Variants in ADGB observed in about 807,000 individuals in gnomAD.
The protein encoded by ADGB is calpain-7-like protein.
A neutral mutation model predicts 210.5 loss-of-function variants in ADGB; 172 were observed. The observed-to-expected ratio is 0.82, with a 90% CI of 0.72 to 0.93. ADGB has a LOEUF of 0.93. ADGB is among the 40% of genes least tolerant of loss of function. ADGB has a pLI of 0.00. For missense variants in ADGB, 2,025 were observed against 1,964.8 expected (o/e 1.03, Z -0.58); for synonymous variants, 658 against 662.7 (o/e 0.99, Z 0.11).
chr6:146,660,076 C>A (rs1425164621), intron 5 of ADGB, among the ~76,000 whole-genome samples: 2 of 151,970 alleles, frequency 1.3e-5, no homozygotes, highest in African/African-American at 2.4e-5. Context: ...GTACAGAAAC[C>A]CCCCAACATC....
At chr6:146,760,982 G>C (rs556476990) in intron 27 of ADGB, among the ~76,000 whole-genome samples, 1 of 151,884 alleles carries the variant, frequency 6.6e-6, no homozygotes, top group South Asian at 2.1e-4. Flanking sequence ...CATATATTCT[G>C]TATCTTCTGG....
At chr6:146,702,398 G>A (rs912188547) in intron 13 of ADGB, among the ~76,000 whole-genome samples, 1 of 151,754 alleles carries the variant, frequency 6.6e-6, no homozygotes, top group African/African-American at 2.4e-5. Flanking sequence ...ATATGCCTGA[G>A]GTTGCTATTT....
Position 146,690,915 on chromosome 6 carries a change from A to C in ADGB, c.1312-201A>C, listed in dbSNP as rs138834084. Among the ~76,000 whole-genome samples the C allele has an allele frequency of 7.8e-4, 119 of 152,274 alleles. 1 individual carries two copies. The highest frequency in any genetic ancestry group is 2.7e-3 in the African/African-American group (114 of 41,560). On this transcript the variant is annotated intron_variant, in intron 10 of 35. Coordinates refer to ENST00000397944, the MANE Select transcript of ADGB (RefSeq NM_024694.4). Reference sequence around the variant, plus strand: ...GTTCCAATCTCTCATTTTGTAAATAAAGAAACAGGGCTCCAGAAAATTTAA... The same window carrying C: ...GTTCCAATCTCTCATTTTGTAAATACAGAAACAGGGCTCCAGAAAATTTAA...
chr6:146,640,493 A>G (rs771702331), intron 2 of ADGB, among the ~76,000 whole-genome samples: 9 of 152,070 alleles, frequency 5.9e-5, no homozygotes, highest in Non-Finnish European at 8.8e-5. Context: ...CTTGATGAAC[A>G]TCGATGCAAA....
At position 146,776,653 on chromosome 6, in the gene ADGB, T is replaced by C. The variant is rs116727999; in HGVS notation, c.3863-5367T>C. On this transcript the variant is annotated intron_variant, in intron 29 of 35. Transcript: ENST00000397944. ...TGGAATCAAATACACCTAAATGTAT[T>C]ACTCAAACACTAAAAACTATGTGTA... Among the ~76,000 whole-genome samples, 751 of 152,228 alleles carry C rather than the reference T, an allele frequency of 4.9e-3. 2 individuals carry two copies. The highest frequency in any genetic ancestry group is 0.017 in the African/African-American group (707 of 41,556).
intron 35 of ADGB, among the ~76,000 whole-genome samples, chr6:146,805,286 G>A (rs1778194952): frequency 6.6e-6 from 1 of 152,150 alleles, no homozygotes; most frequent in Non-Finnish European, 1.5e-5. Context: ...TTCAAAGAAG[G>A]AACCCACCTT....
At chr6:146,612,836 C>T (rs1387953124) in intron 1 of ADGB, among the ~76,000 whole-genome samples, 2 of 152,060 alleles carry the variant, frequency 1.3e-5, no homozygotes, top group Admixed American at 1.3e-4. Context: ...AGCTTCAGCC[C>T]CTACCTACTC....
Position 146,801,999 on chromosome 6 carries a change from T to C in ADGB, c.4806T>C (p.Tyr1602=), listed in dbSNP as rs1184563739. 6 of 1,543,478 alleles carry C rather than the reference T, an allele frequency of 3.9e-6. No individual in the cohort carries two copies. Among genetic ancestry groups the C allele is most frequent in the South Asian group, 1.2e-5 (1 of 81,928 alleles). ...LKLKDEVLDM[Y]KEMQDSLDEA... ...TAAAGGATGAAGTCCTGGATATGTA[T>C]AAGGAAATGCAGGTGAGTCTAAAAG... The change falls in exon 35 of 36, where the codon TAT becomes TAC. Residue 1602 remains tyrosine, a synonymous_variant. Transcript: ENST00000397944.
intron 28 of ADGB, among the ~76,000 whole-genome samples, chr6:146,765,712 A>C (rs1010604918): frequency 1.3e-5 from 2 of 151,744 alleles, no homozygotes; most frequent in Non-Finnish European, 2.9e-5. Flanking sequence ...CTAAAATAGC[A>C]TTTGTTTACT....
chr6:146,603,174 A>G lies in ADGB; in HGVS notation c.74+4060A>G, dbSNP rs910145446. Among the ~76,000 whole-genome samples the G allele has an allele frequency of 1.4e-4, 21 of 152,322 alleles. 1 individual carries two copies. The East Asian group carries it at 3.3e-3, about 24-fold the overall frequency. On this transcript the variant is annotated intron_variant, in intron 1 of 35. Coordinates refer to ENST00000397944, the MANE Select transcript of ADGB (RefSeq NM_024694.4). ...TTGGGAGAGGAGACACAGATATGCA[A>G]TCTGTAATATAAACTAATAACAATT...
rs556527007 is a variant in ADGB, at chr6:146,815,046, A to G, written c.4833A>G (p.Glu1611=). The G allele has an allele frequency of 1.2e-4, 182 of 1,544,896 alleles. No homozygotes were observed. The highest frequency in any genetic ancestry group is 2.9e-5 in the Non-Finnish European group (33 of 1,145,446). The change falls in exon 36 of 36, where the codon GAA becomes GAG. Residue 1611 remains glutamate (E), a synonymous_variant. Coordinates refer to ENST00000397944, the MANE Select transcript of ADGB (RefSeq NM_024694.4). ...CTTTGGAACAGGACTCCTTAGATGAAGCCCGACAGAAAATTTTCGACATCC... is the reference window on the plus strand; with the variant it reads ...CTTTGGAACAGGACTCCTTAGATGAGGCCCGACAGAAAATTTTCGACATCC... ...MYKEMQDSLD[E]ARQKIFDIRE...
intron 27 of ADGB, among the ~76,000 whole-genome samples, chr6:146,760,126 T>C (rs1360771340): frequency 6.6e-6 from 1 of 151,876 alleles, no homozygotes. Context: ...AATTTTTTAT[T>C]AAAGTATAAT....
chr6:146,695,177 G>A (rs968757598), intron 12 of ADGB, among the ~76,000 whole-genome samples: 15 of 152,054 alleles, frequency 9.9e-5, no homozygotes, highest in Non-Finnish European at 1.5e-4. Context: ...CCGGGGCTTT[G>A]TTTCAGTGAT....
intron 1 of ADGB, among the ~76,000 whole-genome samples, chr6:146,619,635 C>T (rs944988814): frequency 2.0e-5 from 3 of 152,056 alleles, no homozygotes; most frequent in Non-Finnish European, 4.4e-5. Context: ...TAATCTTGAT[C>T]ACAGTGAAAG....
intron 22 of ADGB, among the ~76,000 whole-genome samples, chr6:146,736,013 T>C (rs960453613): frequency 7.9e-5 from 12 of 152,220 alleles, no homozygotes; most frequent in Non-Finnish European, 1.8e-4. Flanking sequence ...AGAATGTTAG[T>C]TTCTGATACA....
chr6:146,750,729 G>C (rs1339858483), intron 26 of ADGB, among the ~76,000 whole-genome samples: 4 of 152,168 alleles, frequency 2.6e-5, no homozygotes, highest in African/African-American at 9.7e-5. Context: ...GAGCGGGAAA[G>C]AATGGATTAG....
rs569938783 is a variant in ADGB at position 146,733,307 on chromosome 6, G to T, written c.2656+52G>T. 165 of 1,409,252 alleles carry T rather than the reference G, an allele frequency of 1.2e-4. 4 individuals carry two copies. The South Asian group carries it at 2.4e-3, about 20-fold the overall frequency. 87.3% of individuals were successfully genotyped at this position (1,409,252 alleles called of 1,614,324 possible). ...CAAGGAATTCCTAGTTTTAAGTAAG[G>T]TAAATAATTTAAGAAATGTGTTTGT... On this transcript the variant is annotated intron_variant, in intron 21 of 35. Coordinates refer to ENST00000397944, the MANE Select transcript of ADGB (RefSeq NM_024694.4).
At chr6:146,644,648 A>G in intron 2 of ADGB, 125 bp from the exon 3 acceptor site, 1 of 535,178 alleles carries the variant, frequency 1.9e-6, no homozygotes. Context: ...TACAACAAGA[A>G]CACAAACTGC....
intron 1 of ADGB, among the ~76,000 whole-genome samples, chr6:146,613,215 C>G (rs1780738335): frequency 6.6e-6 from 1 of 152,096 alleles, no homozygotes; most frequent in African/African-American, 2.4e-5. Flanking sequence ...GTTAAAAGGC[C>G]ATTTAAATAA....
Sources: allele counts gnomAD v4.1 joint callset (sites outside exome capture counted in the v4.1 genomes callset), GRCh38; gene constraint gnomAD v4.1.1; transcripts MANE v1.5; gene names NCBI Gene and HGNC (gene_info 2026-07-23, HGNC 2026-07-21).